Variants in MACF1 observed in about 807,000 individuals in gnomAD.
The protein encoded by MACF1 is microtubule-actin cross-linking factor 1.
In MACF1, 193 loss-of-function variants were observed where a neutral mutation model predicts 854.8. That is an observed-to-expected ratio of 0.23 (90% CI 0.20 to 0.25). The LOEUF is 0.25. MACF1 is among the 10% of genes least tolerant of loss of function. The pLI, the probability that MACF1 is intolerant of heterozygous loss-of-function variation, is 1.00. For missense variants in MACF1, 7,722 were observed against 8,929.1 expected (o/e 0.86, Z 5.45); for synonymous variants, 3,185 against 3,226.7 (o/e 0.99, Z 0.44).
At chr1:39,401,591 A>C (rs1437472336) in intron 58 of MACF1, among the ~76,000 whole-genome samples, 1 of 152,216 alleles carries the variant, frequency 6.6e-6, no homozygotes, top group East Asian at 1.9e-4. Context: ...CAGTTTCAGC[A>C]AATATGTGTT....
At chr1:39,288,459 C>T (rs550070284) in intron 15 of MACF1, among the ~76,000 whole-genome samples, 39 of 148,904 alleles carry the variant, frequency 2.6e-4, no homozygotes, top group Non-Finnish European at 4.9e-4. Flanking sequence ...GATTGTGCCA[C>T]TGCACTCCAG....
chr1:39,448,418 G>A lies in MACF1; in HGVS notation c.20089-176G>A, dbSNP rs3118014. Among the ~76,000 whole-genome samples the A allele has an allele frequency of 0.16, 24,372 of 152,068 alleles. 2,432 individuals carry two copies. The highest frequency in any genetic ancestry group is 0.22 in the Middle Eastern group (65 of 294). ...AAATTGTCAGGCACTTCTATATATG[G>A]TATAAACAAAAAATTATAAATTTCT... is the stretch of plus-strand genomic sequence containing the variant. On this transcript the variant is annotated intron_variant, in intron 83 of 100. Coordinates refer to ENST00000564288, the MANE Select transcript of MACF1 (RefSeq NM_001394062.1).
At chr1:39,305,794 A>C (rs1397663765) in intron 23 of MACF1, among the ~76,000 whole-genome samples, 1 of 152,060 alleles carries the variant, frequency 6.6e-6, no homozygotes, top group Non-Finnish European at 1.5e-5. Context: ...CAGACAGCAT[A>C]TTCTTGCCTC....
At chr1:39,411,897 T>G (rs763607233) in intron 58 of MACF1, 1 of 1,614,006 alleles carries the variant, frequency 6.2e-7, no homozygotes, top group South Asian at 1.1e-5. Context: ...ATACCCTGGA[T>G]TCTTCTCAGG....
intron 58 of MACF1, among the ~76,000 whole-genome samples, chr1:39,396,093 C>G (rs933027069): frequency 6.6e-6 from 1 of 152,178 alleles, no homozygotes; most frequent in African/African-American, 2.4e-5. Flanking sequence ...GTAATCCCAG[C>G]ATTTTGGGAG....
chr1:39,425,965 A>G (rs1643713753), intron 61 of MACF1, among the ~76,000 whole-genome samples: 1 of 152,220 alleles, frequency 6.6e-6, no homozygotes, highest in South Asian at 2.1e-4. Flanking sequence ...AATAGAAACA[A>G]ATAACAAGAG....
chr1:39,145,993 C>CTAAA (rs1194381523), intron 2 of MACF1, among the ~76,000 whole-genome samples: 1 of 152,104 alleles, frequency 6.6e-6, no homozygotes, highest in African/African-American at 2.4e-5. Flanking sequence ...AATAGAGCTA[C>CTAAA]CATACAGTCC....
Position 39,442,340 on chromosome 1 carries a change from ACAT to A in MACF1, c.18948+23_18948+25del, listed in dbSNP as rs747519609. 6 of 1,597,836 alleles carry A rather than the reference ACAT, an allele frequency of 3.8e-6. No individual in the cohort carries two copies. The highest frequency in any genetic ancestry group is 2.3e-5 in the South Asian group (2 of 88,756). ...CGACAGGTAAGGCAGGTGGTAGATG[ACAT>A]CAGTGAACTACTCTCCGCTCTTTTC... On this transcript the variant is annotated intron_variant, in intron 76 of 100. Coordinates refer to ENST00000564288, the MANE Select transcript of MACF1 (RefSeq NM_001394062.1).
At chr1:39,476,643 G>A (rs1217386264) in intron 97 of MACF1, among the ~76,000 whole-genome samples, 1 of 151,896 alleles carries the variant, frequency 6.6e-6, no homozygotes, top group African/African-American at 2.4e-5. Flanking sequence ...TTTACAAATT[G>A]TCACAGCATT....
chr1:39,460,586 A>C lies in MACF1; in HGVS notation c.21361-46A>C. The C allele has an allele frequency of 1.3e-6, 2 of 1,584,040 alleles. No homozygotes were observed. Among genetic ancestry groups the C allele is most frequent in the African/African-American group, 1.3e-5 (1 of 74,426 alleles). On this transcript the variant is annotated intron_variant, in intron 91 of 100. Transcript: ENST00000564288. This position sits in a 1 kb window ranked among gnomAD's most constrained non-coding sequence, Gnocchi z 4.1. Reference sequence around the variant, plus strand: ...TTGGGTATGCTCTGGGCAGCTTTTGAGGGCCCAAAAAATAAATCTTATTGA... The same window carrying C: ...TTGGGTATGCTCTGGGCAGCTTTTGCGGGCCCAAAAAATAAATCTTATTGA...
chr1:39,237,178 C>G (rs1436012789), intron 2 of MACF1, among the ~76,000 whole-genome samples: 2 of 152,202 alleles, frequency 1.3e-5, no homozygotes, highest in Non-Finnish European at 2.9e-5. Context: ...ATTTATTTCT[C>G]TCCCTAGAAT....
In MACF1 at chr1:39,084,169, C is replaced by A; in HGVS notation, c.-50C>A. The A allele has an allele frequency of 6.5e-7, 1 of 1,539,446 alleles. No individual in the cohort carries two copies. Among genetic ancestry groups the A allele is most frequent in the South Asian group, 1.1e-5 (1 of 89,422 alleles). On this transcript the variant is annotated splice_region_variant and 5_prime_UTR_variant, in exon 2 of 94. Coordinates refer to the MACF1 transcript ENST00000361689. The surrounding 1 kb of genome is among the most constrained non-coding windows in gnomAD (Gnocchi z 5.2). ...ACATTCACCCCTTTCTCCTTCAGAT[C>A]ACTTCTCCCTGGGCTCCCAGGCCCT...
Position 39,423,955 on chromosome 1 carries a change from GT to G in MACF1, c.16150-65del, listed in dbSNP as rs999880868. 1.5e-5 allele frequency: 21 copies of G among 1,368,366 alleles called. No homozygotes were observed. The Admixed American group carries it at 1.9e-4, about 12-fold the overall frequency. 84.8% of individuals were successfully genotyped at this position (1,368,366 alleles called of 1,614,324 possible). The stretch of plus-strand genomic sequence containing the variant: ...AGGATTTGGCGGGTTGGTTTCTTTT[GT>G]TTTTTTTCTTTCTTCCTAGTTCAGA... On this transcript the variant is annotated intron_variant, in intron 60 of 100. Transcript: ENST00000564288.
At chr1:39,119,450 T>C (rs1040748186) in intron 2 of MACF1, among the ~76,000 whole-genome samples, 3 of 151,968 alleles carry the variant, frequency 2.0e-5, no homozygotes, top group Non-Finnish European at 4.4e-5. Flanking sequence ...TTACTTTTTG[T>C]GTGTATTTGT....
intron 16 of MACF1, 116 bp downstream of exon 16, chr1:39,292,154 T>C (rs1466940781): frequency 6.6e-6 from 8 of 1,212,128 alleles, no homozygotes; most frequent in Non-Finnish European, 9.1e-6. Flanking sequence ...AGAATAATGA[T>C]GATGAAGAGC....
Position 39,285,219 on chromosome 1 carries a change from A to G in MACF1, c.1259+9A>G. 1 of 1,614,238 alleles carries G rather than the reference A, an allele frequency of 6.2e-7. No individual in the cohort carries two copies. Among genetic ancestry groups the G allele is most frequent in the Non-Finnish European group, 8.5e-7 (1 of 1,180,050 alleles). On this transcript the variant is annotated intron_variant, in intron 12 of 100. Coordinates refer to ENST00000564288, the MANE Select transcript of MACF1 (RefSeq NM_001394062.1). ...CGGCCGGCTGTGGAGAGGTGGGTCC[A>G]GATCCTGAGAGTGGTCTGACATTAT... is the stretch of plus-strand genomic sequence containing the variant.
rs201041606 is a variant in MACF1 at position 39,334,547 on chromosome 1, A to G, written c.7959A>G (p.Ser2653=). The change falls in exon 37 of 101, where the codon TCA becomes TCG. Residue 2653 remains serine (S), a synonymous_variant. Coordinates refer to ENST00000564288, the MANE Select transcript of MACF1 (RefSeq NM_001394062.1). ...GATATCTAGAAGTAATTCCCTTCTC[A>G]GACATTAAAGATGGGGTGAGCGACA... The part of the protein sequence containing the change: ...GQRYLEVIPF[S]DIKDGVSDKV... 3.7e-6 allele frequency: 6 copies of G among 1,614,156 alleles called. No individual in the cohort carries two copies. The East Asian group carries it at 1.3e-4, about 36-fold the overall frequency.
intron 23 of MACF1, among the ~76,000 whole-genome samples, chr1:39,306,601 C>T (rs966164718): frequency 2.2e-5 from 3 of 137,934 alleles, no homozygotes; most frequent in African/African-American, 7.8e-5. Flanking sequence ...TTATTCTGGA[C>T]CATTCTATCT....
intron 6 of MACF1, among the ~76,000 whole-genome samples, chr1:39,267,815 A>G (rs998055033): frequency 7.2e-5 from 11 of 152,036 alleles, no homozygotes; most frequent in Non-Finnish European, 1.6e-4. Context: ...CAACTTCCAG[A>G]TTTTTCCTGT....
Sources: allele counts gnomAD v4.1 joint callset (sites outside exome capture counted in the v4.1 genomes callset), GRCh38; gene constraint gnomAD v4.1.1; non-coding constraint Gnocchi (gnomAD v3.1); transcripts MANE v1.5; gene names NCBI Gene and HGNC (gene_info 2026-07-23, HGNC 2026-07-21).